LRTM1: variants seen among roughly 807,000 people sequenced by gnomAD.
The protein encoded by LRTM1 is leucine-rich repeat and transmembrane domain-containing protein 1.
A neutral mutation model predicts 32.4 loss-of-function variants in LRTM1; 38 were observed. The ratio of observed to expected loss-of-function variants is 1.17; its 90% CI spans 0.91 to 1.54. The LOEUF (loss-of-function observed/expected upper bound fraction) is 1.54. LRTM1 is among the 40% of genes most tolerant of loss of function. The pLI, the probability that LRTM1 is intolerant of heterozygous loss-of-function variation, is 0.00. For missense variants in LRTM1, 466 were observed against 415.4 expected (o/e 1.12, Z -1.06); for synonymous variants, 186 against 169.9 (o/e 1.09, Z -0.74).
intron 2 of LRTM1, among the ~76,000 whole-genome samples, chr3:54,924,234 A>C (rs1700943669): frequency 6.6e-6 from 1 of 152,232 alleles, no homozygotes; most frequent in Non-Finnish European, 1.5e-5. Context: ...AAAATATCCC[A>C]GAGAGAGATA....
At chr3:54,949,149 A>T (rs966812298) in intron 1 of LRTM1, among the ~76,000 whole-genome samples, 4 of 152,204 alleles carry the variant, frequency 2.6e-5, no homozygotes, top group Admixed American at 2.0e-4. Flanking sequence ...TAAAAGTTTC[A>T]GTTCAATGTC....
chr3:54,963,073 C>T (rs1476173276), intron 1 of LRTM1, among the ~76,000 whole-genome samples: 1 of 152,066 alleles, frequency 6.6e-6, no homozygotes, highest in Non-Finnish European at 1.5e-5. Flanking sequence ...AACATAATAG[C>T]ACTGCAAATG....
At chr3:54,946,173 T>C (rs1223707769) in intron 1 of LRTM1, among the ~76,000 whole-genome samples, 1 of 152,236 alleles carries the variant, frequency 6.6e-6, no homozygotes, top group East Asian at 1.9e-4. Flanking sequence ...TAGCTTCTCA[T>C]GTTCTTTCCC....
At position 54,927,998 on chromosome 3, in the gene LRTM1, G is replaced by GA; in HGVS notation, c.-88dup. The stretch of plus-strand genomic sequence containing the variant: ...ACACACGAAGGGCATGGCAGACTCA[G>GA]AGCCCAGCTTTACATTCAGTCTTTC... On this transcript the variant is annotated 5_prime_UTR_variant, in exon 1 of 3. Coordinates refer to ENST00000273286, the MANE Select transcript of LRTM1 (RefSeq NM_020678.4). 2.4e-6 allele frequency: 3 copies of GA among 1,242,636 alleles called. No homozygotes were observed. The highest frequency in any genetic ancestry group is 3.5e-6 in the Non-Finnish European group (3 of 846,942). The allele number at this position is 1,242,636 out of a possible 1,614,324, so 77.0% of individuals were successfully genotyped here.
intron 1 of LRTM1, among the ~76,000 whole-genome samples, chr3:54,944,814 G>GTGTGTGT (rs1553925008): frequency 5.4e-5 from 6 of 111,410 alleles, no homozygotes; most frequent in African/African-American, 2.2e-4. Flanking sequence ...TAGAGCTGGG[G>GTGTGTGT]GTGTGTGTGT....
At chr3:54,950,549 T>A (rs939272346) in intron 1 of LRTM1, among the ~76,000 whole-genome samples, 1 of 152,216 alleles carries the variant, frequency 6.6e-6, no homozygotes, top group African/African-American at 2.4e-5. Context: ...TTCCTCCTGT[T>A]TCCCAGCCTA....
intron 1 of LRTM1, among the ~76,000 whole-genome samples, chr3:54,949,704 A>C (rs1000892928): frequency 6.6e-6 from 1 of 152,202 alleles, no homozygotes; most frequent in Non-Finnish European, 1.5e-5. Context: ...TCAGGGCCTC[A>C]GAAAAATTCA....
intron 2 of LRTM1, among the ~76,000 whole-genome samples, chr3:54,922,413 A>T (rs1376085307): frequency 6.6e-6 from 1 of 152,000 alleles, no homozygotes; most frequent in Non-Finnish European, 1.5e-5. Context: ...TCCACAATAC[A>T]ATAGTTCAAG....
Position 54,960,230 on chromosome 3 carries a change from G to A in LRTM1, c.-222+6698C>T, listed in dbSNP as rs113489610. Among the ~76,000 whole-genome samples, 7 of 152,294 alleles carry A rather than the reference G, an allele frequency of 4.6e-5. 1 individual carries two copies. The highest frequency in any genetic ancestry group is 1.4e-4 in the African/African-American group (6 of 41,566). Reference sequence around the variant, plus strand: ...TCCTCAGCAAAGAAAATCTTCTGCTGCGGCCTTGTCAATGGTGTGATAATG... The same window carrying A: ...TCCTCAGCAAAGAAAATCTTCTGCTACGGCCTTGTCAATGGTGTGATAATG... On this transcript the variant is annotated intron_variant, in intron 1 of 2. Coordinates refer to the LRTM1 transcript ENST00000493075.
chr3:54,935,149 T>C (rs1030635150), intron 1 of LRTM1, among the ~76,000 whole-genome samples: 17 of 152,200 alleles, frequency 1.1e-4, no homozygotes, highest in African/African-American at 3.9e-4. Context: ...TGTCTAACTC[T>C]CAGGGAACCA....
chr3:54,949,734 A>G (rs1701708224), intron 1 of LRTM1, among the ~76,000 whole-genome samples: 1 of 152,224 alleles, frequency 6.6e-6, no homozygotes, highest in African/African-American at 2.4e-5. Context: ...TTGCAGGGGC[A>G]CACTCCACAG....
At chr3:54,955,374 C>T (rs1046913747) in intron 1 of LRTM1, among the ~76,000 whole-genome samples, 1 of 152,094 alleles carries the variant, frequency 6.6e-6, no homozygotes, top group Admixed American at 6.5e-5. Flanking sequence ...GACTCCCACT[C>T]TCTTCTCTGG....
chr3:54,936,565 T>TC (rs36010239), intron 1 of LRTM1, among the ~76,000 whole-genome samples: 1 of 152,336 alleles, frequency 6.6e-6, no homozygotes, highest in South Asian at 2.1e-4. Context: ...ATGGGCACCT[T>TC]CCCCTTCTGG....
In LRTM1 at chr3:54,927,887, G is replaced by A. The variant is rs1281203266; in HGVS notation, c.7+18C>T. The A allele has an allele frequency of 6.2e-7, 1 of 1,613,524 alleles. No individual in the cohort carries two copies. The highest frequency in any genetic ancestry group is 1.1e-5 in the South Asian group (1 of 91,046). The stretch of plus-strand genomic sequence containing the variant: ...TCCCAGACAAGAACTTTTCCAACGG[G>A]AATTGATCAGGGCTCACCTTTCATG... On this transcript the variant is annotated intron_variant, in intron 1 of 2. Transcript: ENST00000273286.
At chr3:54,955,429 G>A (rs1396121339) in intron 1 of LRTM1, among the ~76,000 whole-genome samples, 1 of 152,054 alleles carries the variant, frequency 6.6e-6, no homozygotes, top group Non-Finnish European at 1.5e-5. Flanking sequence ...TAGGGCAGGG[G>A]TTTAAGACAA....
Position 54,924,683 on chromosome 3 carries a change from G to T in LRTM1, c.540C>A (p.Asn180Lys), listed in dbSNP as rs762606739. 7 of 1,613,996 alleles carry T rather than the reference G, an allele frequency of 4.3e-6. No individual in the cohort carries two copies. The highest frequency in any genetic ancestry group is 5.9e-6 in the Non-Finnish European group (7 of 1,180,026). Residue 180 changes from asparagine to lysine, a missense_variant, in exon 2 of 3, where the codon AAC (asparagine) becomes AAA (lysine). Transcript: ENST00000273286. Reference sequence around the variant, plus strand: ...GCAAGTGGCAATTGCATTTCCAGAGGTTGTCCTTGAGAAGTAAAAGCCTCA... The same window carrying T: ...GCAAGTGGCAATTGCATTTCCAGAGTTTGTCCTTGAGAAGTAAAAGCCTCA... ...PSVRLLLLKD[N>K]LWKCNCHLLG...
At position 54,940,770 on chromosome 3, in the gene LRTM1, A is replaced by G. The variant is rs187962403; in HGVS notation, c.-221-15555T>C. 2.1e-3 allele frequency among the ~76,000 whole-genome samples: 317 copies of G among 152,080 alleles called. 1 individual carries two copies. The highest frequency in any genetic ancestry group is 1.6e-3 in the Non-Finnish European group (108 of 68,018). On this transcript the variant is annotated intron_variant, in intron 1 of 2. Transcript: ENST00000493075. The stretch of plus-strand genomic sequence containing the variant: ...TTGATATTATTCAGTTTATTTTTGC[A>G]GGTTTTGCAGGGGAAGGGGGCTTTT...
intron 1 of LRTM1, among the ~76,000 whole-genome samples, chr3:54,941,932 C>T (rs996347138): frequency 3.3e-5 from 5 of 152,178 alleles, no homozygotes; most frequent in African/African-American, 9.7e-5. Context: ...ACTTCAACCT[C>T]GTGAAATGGC....
At chr3:54,952,389 T>C (rs924277573) in intron 1 of LRTM1, among the ~76,000 whole-genome samples, 13 of 152,174 alleles carry the variant, frequency 8.5e-5, no homozygotes, top group African/African-American at 2.7e-4. Flanking sequence ...ATGAAGGGTC[T>C]GGAGGCTCTG....
Sources: allele counts gnomAD v4.1 joint callset (sites outside exome capture counted in the v4.1 genomes callset), GRCh38; gene constraint gnomAD v4.1.1; transcripts MANE v1.5; gene names NCBI Gene and HGNC (gene_info 2026-07-23, HGNC 2026-07-21).